Variants in ITGA8 observed in about 807,000 individuals in gnomAD.
The protein encoded by ITGA8 is integrin subunit alpha 8.
A neutral mutation model predicts 142.3 loss-of-function variants in ITGA8; 91 were observed. The observed-to-expected ratio is 0.64, with a 90% CI of 0.54 to 0.76. ITGA8 has a LOEUF of 0.76. Among genes scored for constraint, ITGA8 ranks in the 30% least tolerant of loss-of-function variants. ITGA8 has a pLI of 0.00. For missense variants in ITGA8, 1,406 were observed against 1,327.7 expected (o/e 1.06, Z -0.92); for synonymous variants, 505 against 485.2 (o/e 1.04, Z -0.54).
intron 21 of ITGA8, among the ~76,000 whole-genome samples, chr10:15,593,838 GATTTTT>G (rs764632748): frequency 1.6e-5 from 2 of 124,874 alleles, no homozygotes; most frequent in Admixed American, 1.8e-4. Flanking sequence ...CCCCAGCAAA[GATTTTT>G]TTTTTTTTTT....
chr10:15,604,247 T>C lies in ITGA8; in HGVS notation c.2079A>G (p.Pro693=). 6.2e-7 allele frequency: 1 copy of C among 1,613,702 alleles called. No homozygotes were observed. The highest frequency in any genetic ancestry group is 2.2e-5 in the East Asian group (1 of 44,860). Residue 693 remains proline, a synonymous_variant, in exon 20 of 30, where the codon CCA becomes CCG. Transcript: ENST00000378076. ...CGATTCCAACATAATCTGCCTCTTC[T>C]GGTATCATTACAAAGAGTTCAGCTT... ...AYEAELFVMI[P]EEADYVGIER... is the part of the protein sequence containing the mutation.
At chr10:15,635,358 G>A (rs537614702) in intron 13 of ITGA8, among the ~76,000 whole-genome samples, 1 of 152,234 alleles carries the variant, frequency 6.6e-6, no homozygotes, top group East Asian at 1.9e-4. Context: ...ATATTACAGA[G>A]CACTGTGTAA....
At chr10:15,623,231 T>A (rs1180945948) in intron 13 of ITGA8, among the ~76,000 whole-genome samples, 5 of 152,226 alleles carry the variant, frequency 3.3e-5, no homozygotes, top group African/African-American at 9.6e-5. Context: ...CATCTTAGAA[T>A]GAGAAAAATG....
At chr10:15,600,375 TAA>T (rs1460153433) in intron 20 of ITGA8, among the ~76,000 whole-genome samples, 2 of 152,234 alleles carry the variant, frequency 1.3e-5, no homozygotes, top group Non-Finnish European at 1.5e-5. Context: ...CAATTTTTAT[TAA>T]GTCTCAATTA....
chr10:15,529,811 G>C (rs1833253992), intron 28 of ITGA8, among the ~76,000 whole-genome samples: 1 of 152,186 alleles, frequency 6.6e-6, no homozygotes, highest in African/African-American at 2.4e-5. Context: ...ATCCAAAGCA[G>C]TGCTTCTCAA....
At chr10:15,710,219 AG>A (rs748403373) in intron 2 of ITGA8, among the ~76,000 whole-genome samples, 2 of 152,216 alleles carry the variant, frequency 1.3e-5, no homozygotes, top group Non-Finnish European at 2.9e-5. Flanking sequence ...ATATTTTTCA[AG>A]AAGTTGTAGA....
Position 15,558,165 on chromosome 10 carries a change from G to T in ITGA8, c.2675C>A (p.Ala892Asp), listed in dbSNP as rs1166613181. The change falls in exon 26 of 30, where the codon GCC becomes GAC. Residue 892 changes from alanine to aspartate, a missense_variant. Ala to Asp is a moderately radical substitution (Grantham distance 126). Coordinates refer to ENST00000378076, the MANE Select transcript of ITGA8 (RefSeq NM_003638.3). ...ASPEDTPELSAFLRNSTIPHL... is the reference protein window; with the variant it reads ...ASPEDTPELSDFLRNSTIPHL... Reference sequence around the variant, plus strand: ...AGGAATAGTAGAGTTTCGCAAAAAGGCGCTGAGCTCAGGGGTGTCCTCTGG... The same window carrying T: ...AGGAATAGTAGAGTTTCGCAAAAAGTCGCTGAGCTCAGGGGTGTCCTCTGG... 2 of 1,614,222 alleles carry T rather than the reference G, an allele frequency of 1.2e-6. No homozygotes were observed. The highest frequency in any genetic ancestry group is 1.7e-5 in the Admixed American group (1 of 60,034).
At chr10:15,654,827 T>G (rs1163635251) in intron 11 of ITGA8, among the ~76,000 whole-genome samples, 2 of 152,184 alleles carry the variant, frequency 1.3e-5, no homozygotes, top group African/African-American at 4.8e-5. Context: ...ATCAAAGAAG[T>G]GTTTAATCAT....
intron 23 of ITGA8, among the ~76,000 whole-genome samples, chr10:15,579,096 A>G (rs7069427): frequency 0.033 from 5,003 of 152,236 alleles, 284 homozygotes; most frequent in African/African-American, 0.11. Flanking sequence ...GAGACGGAAC[A>G]TGGAAGATTT....
At chr10:15,691,775 A>G (rs1246869327) in intron 2 of ITGA8, among the ~76,000 whole-genome samples, 1 of 152,218 alleles carries the variant, frequency 6.6e-6, no homozygotes, top group Non-Finnish European at 1.5e-5. Context: ...ATGGAGATTT[A>G]TTGTACAGAG....
At chr10:15,554,346 G>T (rs1221972831) in intron 26 of ITGA8, among the ~76,000 whole-genome samples, 1 of 152,170 alleles carries the variant, frequency 6.6e-6, no homozygotes, top group African/African-American at 2.4e-5. Context: ...CCTATGGGGG[G>T]AGGGGCTGTT....
rs145550180 is a variant in ITGA8 at position 15,558,136 on chromosome 10, G to A, written c.2704C>T (p.Leu902Phe). 6.8e-6 allele frequency: 11 copies of A among 1,614,226 alleles called. No individual in the cohort carries two copies. In the African/African-American group the frequency reaches 1.5e-4, roughly 22 times the overall value. The change falls in exon 26 of 30, where the codon CTT becomes TTT. Residue 902 changes from leucine to phenylalanine, a missense_variant. Transcript: ENST00000378076. ...AFLRNSTIPH[L>F]VRKRDVHVVE... The stretch of plus-strand genomic sequence containing the variant: ...ACATGTACATCCCTCTTCCTGACAA[G>A]ATGAGGAATAGTAGAGTTTCGCAAA...
intron 9 of ITGA8, 73 bp from the exon 10 acceptor site, chr10:15,659,128 G>T: frequency 4.0e-6 from 4 of 1,009,636 alleles, no homozygotes; most frequent in East Asian, 2.7e-5. Flanking sequence ...ACTACAACTT[G>T]AATCATTTAA....
At chr10:15,694,177 AAT>A (rs1476149997) in intron 2 of ITGA8, among the ~76,000 whole-genome samples, 1 of 142,918 alleles carries the variant, frequency 7.0e-6, no homozygotes, top group African/African-American at 2.6e-5. Context: ...TATATCAGAT[AAT>A]ATATCATATA....
chr10:15,640,516 T>C (rs1467819376), intron 13 of ITGA8, among the ~76,000 whole-genome samples: 1 of 152,246 alleles, frequency 6.6e-6, no homozygotes, highest in Non-Finnish European at 1.5e-5. Flanking sequence ...AAACAAGTCA[T>C]GGAGGCCTAG....
chr10:15,719,461 CG>C, intron 1 of ITGA8, 101 bp downstream of exon 1: 1 of 1,082,686 alleles, frequency 9.2e-7, no homozygotes, highest in Non-Finnish European at 1.3e-6. Flanking sequence ...GGCGGCAGGA[CG>C]GGGATCCCAG....
chr10:15,658,890 A>G (rs771819844), intron 10 of ITGA8, 109 bp downstream of exon 10: 2 of 765,804 alleles, frequency 2.6e-6, no homozygotes, highest in Admixed American at 2.6e-5. Flanking sequence ...TCCAGTACGT[A>G]GTAGCTGCTC....
rs114072018 is a variant in ITGA8 at position 15,704,442 on chromosome 10, G to A, written c.343+14324C>T. On this transcript the variant is annotated intron_variant, in intron 2 of 29. Transcript: ENST00000378076. ...TCAAATCTCAACTTTTCTCAAATGC[G>A]AAACCAGGTTTACAAAACCCTTCCC... Among the ~76,000 whole-genome samples, 1,332 of 152,216 alleles carry A rather than the reference G, an allele frequency of 8.8e-3. 16 individuals carry two copies. Among genetic ancestry groups the A allele is most frequent in the African/African-American group, 0.025 (1,055 of 41,502 alleles).
chr10:15,517,018 G>GT lies in ITGA8; in HGVS notation c.*139_*140insA. ...AATTTCTCCAAAGTGCGGTGTAGAT[G>GT]AGGTGATGTTTCCAGGGTCCCCTCC... On this transcript the variant is annotated 3_prime_UTR_variant, in exon 30 of 30. Coordinates refer to ENST00000378076, the MANE Select transcript of ITGA8 (RefSeq NM_003638.3). The GT allele has an allele frequency of 4.7e-6, 2 of 422,612 alleles. No homozygotes were observed. Among genetic ancestry groups the GT allele is most frequent in the Admixed American group, 4.3e-5 (1 of 23,050 alleles). The allele number at this position is 422,612 out of a possible 1,614,324, so 26.2% of individuals were successfully genotyped here.
Sources: allele counts gnomAD v4.1 joint callset (sites outside exome capture counted in the v4.1 genomes callset), GRCh38; gene constraint gnomAD v4.1.1; transcripts MANE v1.5; gene names NCBI Gene and HGNC (gene_info 2026-07-23, HGNC 2026-07-21).